The following SCN9A variants were observed in gnomAD, a reference collection of about 807,000 sequenced individuals.
The protein encoded by SCN9A is sodium voltage-gated channel alpha subunit 9.
SCN9A carries 131 observed loss-of-function variants against 187.0 expected under a neutral mutation model. That is an observed-to-expected ratio of 0.70 (90% CI 0.61 to 0.81). The LOEUF (loss-of-function observed/expected upper bound fraction) is 0.81, where lower values mean the gene tolerates loss of function less well. SCN9A is among the 30% of genes least tolerant of loss of function. SCN9A has a pLI of 0.00. For synonymous variants in SCN9A, 809 were observed against 808.6 expected (o/e 1.00, Z -0.01); for missense variants, 2,252 against 2,396.6 (o/e 0.94, Z 1.26).
In SCN9A at chr2:166,301,295, C is replaced by CTCAGCCAATCACAGCAGCTGAGCT. The variant is rs759980271; in HGVS notation, c.901+1771_901+1794dup. 106 of 150,778 alleles carry CTCAGCCAATCACAGCAGCTGAGCT rather than the reference C, an allele frequency of 7.0e-4. 1 individual carries two copies. Among genetic ancestry groups the CTCAGCCAATCACAGCAGCTGAGCT allele is most frequent in the Non-Finnish European group, 1.2e-3 (79 of 68,032 alleles). 9.3% of individuals were successfully genotyped at this position (150,778 alleles called of 1,614,324 possible). A position where few individuals can be genotyped will look rare whatever the true frequency, so the allele number is the denominator to read the frequency against. On this transcript the variant is annotated intron_variant, in intron 7 of 26. Transcript: ENST00000642356. Reference sequence around the variant, plus strand: ...GTATATTCTTGTAACAAGTAGCTGTCTCAGCCAATCACAGCAGCTGAGCTT... The same window carrying CTCAGCCAATCACAGCAGCTGAGCT: ...GTATATTCTTGTAACAAGTAGCTGTCTCAGCCAATCACAGCAGCTGAGCTTCAGCCAATCACAGCAGCTGAGCTT...
Position 166,281,702 on chromosome 2 carries a change from C to T in SCN9A, c.2081G>A (p.Ser694Asn), listed in dbSNP as rs752751487. The change falls in exon 13 of 27, where the codon AGC (serine) becomes AAC (asparagine). Residue 694 changes from serine (S) to asparagine (N), a missense_variant. This residue lies in a region of SCN9A where 1,013 missense variants were observed against 997.4 expected (regional missense o/e 1.02). Transcript: ENST00000642356. The part of the protein sequence containing the change: ...NLRQRAMSRA[S>N]ILTNTVEELE... The stretch of plus-strand genomic sequence containing the variant: ...ACCTTCCACAGTGTTTGTTAATATG[C>T]TTGCTCTACTCATTGCTCTCTGTCT... 1.2e-6 allele frequency: 2 copies of T among 1,613,136 alleles called. No individual in the cohort carries two copies. The highest frequency in any genetic ancestry group is 1.7e-6 in the Non-Finnish European group (2 of 1,179,426).
Position 166,242,674 on chromosome 2 carries a change from C to T in SCN9A, c.3473-18G>A. 1 of 1,526,762 alleles carries T rather than the reference C, an allele frequency of 6.5e-7. No homozygotes were observed. Among genetic ancestry groups the T allele is most frequent in the East Asian group, 2.5e-5 (1 of 40,652 alleles). 94.6% of individuals were successfully genotyped at this position (1,526,762 alleles called of 1,614,324 possible). ...TACACAACCTGACAAGAAAGACATG[C>T]ATGTTAAATCTTGATATTCAGAATA... On this transcript the variant is annotated intron_variant, in intron 18 of 26. Transcript: ENST00000642356.
At chr2:166,291,966 C>A (rs1228121431) in intron 9 of SCN9A, among the ~76,000 whole-genome samples, 5 of 152,098 alleles carry the variant, frequency 3.3e-5, no homozygotes, top group Admixed American at 3.3e-4. Flanking sequence ...ACCATGAAAA[C>A]CCTAGAAGAA....
chr2:166,302,200 GGC>G (rs1698584047), intron 7 of SCN9A: 7 of 151,346 alleles, frequency 4.6e-5, no homozygotes, highest in African/African-American at 1.7e-4. Context: ...TATTCACGTG[GGC>G]ACCATCAGAT....
At chr2:166,208,299 T>C (rs555504821) in intron 24 of SCN9A, among the ~76,000 whole-genome samples, 66 of 152,336 alleles carry the variant, frequency 4.3e-4, no homozygotes, top group Middle Eastern at 3.4e-3. Context: ...GTTTCTTAAT[T>C]CTTTAAGTAA....
At chr2:166,347,233 TC>T (rs1332720435) in intron 1 of SCN9A, among the ~76,000 whole-genome samples, 37 of 152,352 alleles carry the variant, frequency 2.4e-4, no homozygotes, top group Admixed American at 2.6e-4. Context: ...CTTCTTATTC[TC>T]CTTTGGGATC....
chr2:166,312,307 A>G (rs1698986278), intron 1 of SCN9A, among the ~76,000 whole-genome samples: 1 of 152,160 alleles, frequency 6.6e-6, no homozygotes, highest in African/African-American at 2.4e-5. Context: ...TTTGCTTATC[A>G]ATCAGAAGCA....
At chr2:166,302,290 G>A (rs1023394454) in intron 7 of SCN9A, 1 of 152,178 alleles carries the variant, frequency 6.6e-6, no homozygotes, top group African/African-American at 2.4e-5. Flanking sequence ...GTTCCAGTGA[G>A]AGACACCATG....
chr2:166,285,346 A>G, intron 11 of SCN9A, among the ~76,000 whole-genome samples: 1 of 152,202 alleles, frequency 6.6e-6, no homozygotes, highest in Admixed American at 6.6e-5. Context: ...GTTGCCCAAT[A>G]CCAAAGAGGA....
At chr2:166,227,214 C>G (rs1185114158) in intron 23 of SCN9A, among the ~76,000 whole-genome samples, 1 of 152,084 alleles carries the variant, frequency 6.6e-6, no homozygotes, top group East Asian at 1.9e-4. Flanking sequence ...ACTGTAAAAA[C>G]AGTAAAAGCT....
At chr2:166,340,466 G>T in intron 1 of SCN9A, among the ~76,000 whole-genome samples, 1 of 151,398 alleles carries the variant, frequency 6.6e-6, no homozygotes, top group African/African-American at 2.4e-5. Flanking sequence ...ATATCACAAC[G>T]TTTTCTTTCT....
At chr2:166,251,268 A>G (rs1475492285) in intron 18 of SCN9A, among the ~76,000 whole-genome samples, 1 of 152,106 alleles carries the variant, frequency 6.6e-6, no homozygotes, top group East Asian at 1.9e-4. Context: ...AAAAATACTC[A>G]TTAAAGAAAT....
chr2:166,325,630 A>G (rs1373392912), intron 1 of SCN9A, among the ~76,000 whole-genome samples: 3 of 152,186 alleles, frequency 2.0e-5, no homozygotes, highest in Admixed American at 6.5e-5. Context: ...CATACTAAAT[A>G]TCTTTTAAGT....
At chr2:166,355,275 T>C (rs1700125400) in intron 1 of SCN9A, among the ~76,000 whole-genome samples, 1 of 152,102 alleles carries the variant, frequency 6.6e-6, no homozygotes, top group African/African-American at 2.4e-5. Flanking sequence ...TGACAAAATG[T>C]TTCCAGAAAG....
At chr2:166,320,138 T>C (rs970018900) in intron 1 of SCN9A, among the ~76,000 whole-genome samples, 4 of 151,950 alleles carry the variant, frequency 2.6e-5, no homozygotes, top group Non-Finnish European at 4.4e-5. Flanking sequence ...AAGGAAAATA[T>C]CAGAAAAACT....
intron 1 of SCN9A, among the ~76,000 whole-genome samples, chr2:166,327,061 T>G (rs1333495961): frequency 6.6e-6 from 1 of 152,186 alleles, no homozygotes; most frequent in South Asian, 2.1e-4. Context: ...TGTCTTATTT[T>G]GATAAAAATA....
At chr2:166,201,172 TTATA>T (rs935558444) in intron 26 of SCN9A, among the ~76,000 whole-genome samples, 4 of 149,702 alleles carry the variant, frequency 2.7e-5, no homozygotes, top group Middle Eastern at 3.8e-3. Context: ...ATATATATGT[TTATA>T]TATATACACA....
At chr2:166,370,405 A>G (rs529020508) in intron 1 of SCN9A, among the ~76,000 whole-genome samples, 282 of 151,560 alleles carry the variant, frequency 1.9e-3, no homozygotes, top group Non-Finnish European at 3.1e-3. Flanking sequence ...TTAGCCGGGC[A>G]CGGTGGTAGG....
At chr2:166,229,179 T>C (rs1201392305) in intron 21 of SCN9A, among the ~76,000 whole-genome samples, 1 of 152,162 alleles carries the variant, frequency 6.6e-6, no homozygotes, top group Non-Finnish European at 1.5e-5. Context: ...ACATGAACTC[T>C]GTGATCACCA....
Sources: gnomAD v4.1 joint callset for allele counts (sites outside exome capture counted in the v4.1 genomes callset) on GRCh38, gnomAD v4.1.1 for gene constraint, gnomAD v4.1.1 regional missense constraint, MANE v1.5 for transcripts, NCBI Gene and HGNC (gene_info 2026-07-23, HGNC 2026-07-21) for gene names.